MMADHC: variants seen among roughly 807,000 people sequenced by gnomAD.
MMADHC encodes cobalamin trafficking protein CblD.
MMADHC carries 23 observed loss-of-function variants against 36.3 expected under a neutral mutation model. The observed-to-expected ratio is 0.63, with a 90% CI of 0.46 to 0.90. MMADHC has a LOEUF of 0.90. Among genes scored for constraint, MMADHC ranks in the 40% least tolerant of loss-of-function variants. MMADHC has a pLI of 0.00. For synonymous variants in MMADHC, 97 were observed against 116.1 expected (o/e 0.84, Z 1.06); for missense variants, 330 against 348.0 (o/e 0.95, Z 0.41).
At chr2:149,574,124 G>A (rs1682681658) in intron 6 of MMADHC, among the ~76,000 whole-genome samples, 1 of 152,044 alleles carries the variant, frequency 6.6e-6, no homozygotes, top group Middle Eastern at 3.2e-3. Context: ...ACTGGTTATA[G>A]GAAACTTAGA....
At chr2:149,570,402 A>AAT (rs1214090059) in intron 7 of MMADHC, among the ~76,000 whole-genome samples, 1 of 152,222 alleles carries the variant, frequency 6.6e-6, no homozygotes, top group Non-Finnish European at 1.5e-5. Context: ...TCAAATGCAT[A>AAT]ATATTGCATC....
intron 2 of MMADHC, among the ~76,000 whole-genome samples, chr2:149,582,982 TAA>T: frequency 6.6e-6 from 1 of 152,288 alleles, no homozygotes; most frequent in Middle Eastern, 3.4e-3. Context: ...TTTTGGTAAA[TAA>T]AGTTTTACTG....
Position 149,579,625 on chromosome 2 carries a change from C to T in MMADHC, c.178G>A (p.Glu60Lys), listed in dbSNP as rs1181724331. 4 of 1,613,828 alleles carry T rather than the reference C, an allele frequency of 2.5e-6. No homozygotes were observed. The highest frequency in any genetic ancestry group is 3.4e-6 in the Non-Finnish European group (4 of 1,179,946). ...DICSRTVWPD[E>K]TMGPFGPQDQ... ...TGAGGTCCAAAGGGTCCCATAGTTT[C>T]ATCAGGCCACACTGTTCGAGAGCCT... is the stretch of plus-strand genomic sequence containing the variant. The change falls in exon 4 of 8, where the codon GAA (glutamate) becomes AAA (lysine). Residue 60 changes from glutamate to lysine, a missense_variant. By Grantham distance (56) the Glu-to-Lys change is moderately conservative. Coordinates refer to ENST00000303319, the MANE Select transcript of MMADHC (RefSeq NM_015702.3).
chr2:149,578,309 G>T (rs1682745556), intron 4 of MMADHC, among the ~76,000 whole-genome samples: 1 of 152,138 alleles, frequency 6.6e-6, no homozygotes, highest in Non-Finnish European at 1.5e-5. Flanking sequence ...GAGAAAGAAG[G>T]TTGGTGCTAT....
At chr2:149,579,765 G>T in intron 3 of MMADHC, 117 bp from the exon 4 acceptor site, 1 of 910,332 alleles carries the variant, frequency 1.1e-6, no homozygotes, top group African/African-American at 1.7e-5. Flanking sequence ...TTCAAAATCT[G>T]CTTTCCCATG....
intron 6 of MMADHC, among the ~76,000 whole-genome samples, chr2:149,574,260 T>C (rs956692512): frequency 6.6e-6 from 1 of 152,180 alleles, no homozygotes; most frequent in African/African-American, 2.4e-5. Flanking sequence ...ATATATTTAC[T>C]AAGCATTATT....
At position 149,582,191 on chromosome 2, in the gene MMADHC, G is replaced by C. The variant is rs2105049979; in HGVS notation, c.90C>G (p.Ala30=). The C allele has an allele frequency of 6.2e-7, 1 of 1,613,976 alleles. No individual in the cohort carries two copies. The highest frequency in any genetic ancestry group is 8.5e-7 in the Non-Finnish European group (1 of 1,179,900). ...AACCTGATGATCCTGCAGTCGAAAA[G>C]GCTTTGGGATTGACAACCCTTTTAA... ...SLVKRVVNPK[A]FSTAGSSGSD... The change falls in exon 3 of 8, where the codon GCC becomes GCG. Residue 30 remains alanine (A), a synonymous_variant. Transcript: ENST00000303319.
chr2:149,575,264 T>C (rs545646039), intron 6 of MMADHC, among the ~76,000 whole-genome samples: 1 of 152,254 alleles, frequency 6.6e-6, no homozygotes, highest in African/African-American at 2.4e-5. Flanking sequence ...ATTACACTAT[T>C]ATTGTACTGC....
At chr2:149,585,660 GT>G (rs1274223545) in intron 2 of MMADHC, among the ~76,000 whole-genome samples, 1 of 152,166 alleles carries the variant, frequency 6.6e-6, no homozygotes, top group Non-Finnish European at 1.5e-5. Context: ...GAAAGGCTTT[GT>G]CACAGTCCCC....
chr2:149,587,398 G>C (rs1682889602), intron 1 of MMADHC: 1 of 506,802 alleles, frequency 2.0e-6, no homozygotes, highest in Admixed American at 3.4e-5. Flanking sequence ...CCAGATCCGG[G>C]AGGGGAATGG....
chr2:149,576,072 AG>A lies in MMADHC; in HGVS notation c.479-232del, dbSNP rs202218319. On this transcript the variant is annotated intron_variant, in intron 5 of 7. Coordinates refer to ENST00000303319, the MANE Select transcript of MMADHC (RefSeq NM_015702.3). ...GAAATATTACTACCAACAATCCTGA[AG>A]GGTAAGTAGGATTACACGTTATTTG... 8.4e-3 allele frequency among the ~76,000 whole-genome samples: 1,286 copies of A among 152,286 alleles called. 20 individuals carry two copies. The highest frequency in any genetic ancestry group is 0.03 in the African/African-American group (1,231 of 41,560).
Position 149,569,988 on chromosome 2 carries a change from A to G in MMADHC, c.877T>C (p.Leu293=), listed in dbSNP as rs1363144031. ...GGATATTTCTGCTAATTTCCACTTAATTTCTTCATAATATGGCTGTCTGGT... is the reference window on the plus strand; with the variant it reads ...GGATATTTCTGCTAATTTCCACTTAGTTTCTTCATAATATGGCTGTCTGGT... ...ATPDSHIMKK[L]SGN Residue 293 remains leucine (L), a synonymous_variant, in exon 8 of 8, where the codon TTA becomes CTA. Coordinates refer to ENST00000303319, the MANE Select transcript of MMADHC (RefSeq NM_015702.3). The G allele has an allele frequency of 6.2e-7, 1 of 1,613,302 alleles. No individual in the cohort carries two copies.
intron 4 of MMADHC, among the ~76,000 whole-genome samples, chr2:149,579,174 CTAGAG>C (rs1197691231): frequency 5.3e-5 from 8 of 151,510 alleles, no homozygotes; most frequent in Non-Finnish European, 1.2e-4. Flanking sequence ...TTATGTATAT[CTAGAG>C]TAGTTACTTA....
intron 3 of MMADHC, among the ~76,000 whole-genome samples, chr2:149,581,564 A>G (rs1682794309): frequency 6.6e-6 from 1 of 152,190 alleles, no homozygotes; most frequent in Non-Finnish European, 1.5e-5. Flanking sequence ...CCTACCACAG[A>G]GACTATCCCC....
rs1268191315 is a variant in MMADHC, at chr2:149,587,382, C to T, written c.-52-233G>A. The T allele has an allele frequency of 1.3e-5, 7 of 534,146 alleles. No individual in the cohort carries two copies. In the East Asian group the frequency reaches 2.2e-4, roughly 17 times the overall value. 33.1% of individuals were successfully genotyped at this position (534,146 alleles called of 1,614,324 possible). A position where few individuals can be genotyped will look rare whatever the true frequency, so the allele number is the denominator to read the frequency against. ...CCGGTTTACAGCCGCGGAAAAACAA[C>T]TCGGACCAGATCCGGGAGGGGAATG... On this transcript the variant is annotated intron_variant, in intron 1 of 7. Transcript: ENST00000303319.
At chr2:149,583,081 G>A (rs2105050567) in intron 2 of MMADHC, among the ~76,000 whole-genome samples, 1 of 152,142 alleles carries the variant, frequency 6.6e-6, no homozygotes, top group Admixed American at 6.5e-5. Flanking sequence ...GATATTCTGT[G>A]GCCCACAAAG....
At chr2:149,587,360 G>A in intron 1 of MMADHC, 1 of 553,084 alleles carries the variant, frequency 1.8e-6, no homozygotes, top group East Asian at 3.0e-5. Flanking sequence ...AGCCCTTCCG[G>A]TTTACAGCCG....
intron 6 of MMADHC, chr2:149,572,471 G>C (rs1039243171): frequency 4.0e-5 from 8 of 199,038 alleles, no homozygotes; most frequent in Non-Finnish European, 5.3e-5. Context: ...CTGAACAACA[G>C]GTGAGACAAG....
chr2:149,570,274 A>G (rs1334195517), intron 7 of MMADHC, 106 bp from the exon 8 acceptor site: 2 of 962,542 alleles, frequency 2.1e-6, no homozygotes, highest in Non-Finnish European at 3.2e-6. Flanking sequence ...AAATATTTAA[A>G]AAACTAAATA....
Sources: gnomAD v4.1 joint callset for allele counts (sites outside exome capture counted in the v4.1 genomes callset) on GRCh38, gnomAD v4.1.1 for gene constraint, MANE v1.5 for transcripts, NCBI Gene and HGNC (gene_info 2026-07-23, HGNC 2026-07-21) for gene names.